The following TAFA5 variants were observed in gnomAD, a reference collection of about 807,000 sequenced individuals.
The protein encoded by TAFA5 is chemokine-like protein TAFA-5.
Under a neutral mutation model 15.3 loss-of-function variants are expected in TAFA5, and 6 were observed. The observed-to-expected ratio is 0.39, with a 90% CI of 0.21 to 0.77. TAFA5 has a LOEUF of 0.77. Ranked by LOEUF, TAFA5 falls within the 30% of genes least tolerant of loss-of-function variation. The probability of loss-of-function intolerance (pLI) is 0.41; values close to 1 mark genes in which losing one functional copy is unlikely to be tolerated. For synonymous variants in TAFA5, 103 were observed against 80.7 expected (o/e 1.28, Z -1.48); for missense variants, 161 against 193.1 (o/e 0.83, Z 0.98).
intron 2 of TAFA5, among the ~76,000 whole-genome samples, chr22:48,656,697 CTTT>C (rs71316950): frequency 2.4e-5 from 2 of 83,442 alleles, no homozygotes; most frequent in Admixed American, 1.5e-4. Context: ...ACCAAAAGTT[CTTT>C]TTTTTTTTTT....
At chr22:48,638,533 T>C (rs889641384) in intron 1 of TAFA5, among the ~76,000 whole-genome samples, 11 of 124,056 alleles carry the variant, frequency 8.9e-5, no homozygotes, top group African/African-American at 3.5e-4. Flanking sequence ...ACCCCAACAC[T>C]AAGCCCTGGG....
At chr22:48,608,945 C>T (rs768463285) in intron 1 of TAFA5, among the ~76,000 whole-genome samples, 9 of 152,234 alleles carry the variant, frequency 5.9e-5, no homozygotes, top group Admixed American at 4.6e-4. Context: ...TCTGATGGAC[C>T]GTCAACTGGA....
intron 1 of TAFA5, among the ~76,000 whole-genome samples, chr22:48,603,783 A>G (rs73427926): frequency 0.19 from 29,432 of 152,114 alleles, 3,063 homozygotes; most frequent in Middle Eastern, 0.23. Context: ...TCCCGCCTGC[A>G]GTCCTCTCTC....
intron 1 of TAFA5, among the ~76,000 whole-genome samples, chr22:48,534,021 T>C (rs1044419283): frequency 2.5e-4 from 38 of 152,074 alleles, no homozygotes; most frequent in Non-Finnish European, 5.9e-5. Flanking sequence ...GCTGATGACA[T>C]GGAGAAGGAA....
intron 3 of TAFA5, among the ~76,000 whole-genome samples, chr22:48,737,719 G>A (rs1018442777): frequency 7.2e-5 from 11 of 152,198 alleles, no homozygotes; most frequent in Non-Finnish European, 1.2e-4. Flanking sequence ...CAGGGATGGA[G>A]ATGCCAGCCC....
At chr22:48,614,912 C>G (rs1051907528) in intron 1 of TAFA5, among the ~76,000 whole-genome samples, 2 of 152,128 alleles carry the variant, frequency 1.3e-5, no homozygotes, top group Admixed American at 6.5e-5. Context: ...GTCAGCAGAG[C>G]GGGCCTGGCC....
At position 48,749,977 on chromosome 22, in the gene TAFA5, T is replaced by C; in HGVS notation, c.*130T>C. 1.1e-6 allele frequency: 1 copy of C among 929,458 alleles called. No homozygotes were observed. Among genetic ancestry groups the C allele is most frequent in the Non-Finnish European group, 1.7e-6 (1 of 601,128 alleles). The allele number at this position is 929,458 out of a possible 1,614,324, so 57.6% of individuals were successfully genotyped here. ...GCCCGCCCACTCCGTTTCCCTGTGGTCCGTGAAGGACGGCCTCAGGCCTTG... is the reference window on the plus strand; with the variant it reads ...GCCCGCCCACTCCGTTTCCCTGTGGCCCGTGAAGGACGGCCTCAGGCCTTG... On this transcript the variant is annotated 3_prime_UTR_variant, in exon 4 of 4. Transcript: ENST00000402357.
At chr22:48,504,380 A>G (rs927741541) in intron 1 of TAFA5, among the ~76,000 whole-genome samples, 1 of 152,204 alleles carries the variant, frequency 6.6e-6, no homozygotes, top group African/African-American at 2.4e-5. Context: ...CCTGCAGCAG[A>G]AAGACTTCCG....
intron 1 of TAFA5, among the ~76,000 whole-genome samples, chr22:48,615,794 T>G (rs1925581015): frequency 6.6e-6 from 1 of 152,112 alleles, no homozygotes; most frequent in Non-Finnish European, 1.5e-5. Flanking sequence ...CGGGGGACCA[T>G]GGAGGTACAG....
intron 1 of TAFA5, among the ~76,000 whole-genome samples, chr22:48,578,982 T>C (rs1412349699): frequency 6.6e-6 from 1 of 152,228 alleles, no homozygotes; most frequent in Non-Finnish European, 1.5e-5. Flanking sequence ...TGTGACTTGT[T>C]GTCTGGGCCT....
At chr22:48,571,574 GTT>G (rs57578802) in intron 1 of TAFA5, among the ~76,000 whole-genome samples, 171 of 29,200 alleles carry the variant, frequency 5.9e-3, no homozygotes, top group African/African-American at 0.018. Flanking sequence ...TGCCTGGCCT[GTT>G]TTTTTTTTTT....
At chr22:48,516,407 G>T (rs1393780865) in intron 1 of TAFA5, among the ~76,000 whole-genome samples, 1 of 151,746 alleles carries the variant, frequency 6.6e-6, no homozygotes, top group Non-Finnish European at 1.5e-5. Context: ...CGTGGTTTTG[G>T]TGTAATTTAA....
intron 2 of TAFA5, among the ~76,000 whole-genome samples, chr22:48,672,858 C>G (rs1281241298): frequency 1.3e-5 from 2 of 152,184 alleles, no homozygotes; most frequent in African/African-American, 4.8e-5. Context: ...CAATTATTCT[C>G]CATTGGAAAT....
chr22:48,555,790 C>T (rs1167822719), intron 1 of TAFA5, among the ~76,000 whole-genome samples: 5 of 152,076 alleles, frequency 3.3e-5, no homozygotes, highest in South Asian at 2.1e-4. Flanking sequence ...GGGCAAGATA[C>T]GGGGGTGGGG....
intron 1 of TAFA5, among the ~76,000 whole-genome samples, chr22:48,571,494 C>T (rs574617179): frequency 6.9e-6 from 1 of 144,500 alleles, no homozygotes; most frequent in Non-Finnish European, 1.5e-5. Context: ...AGGATGGTCT[C>T]AATCTCCTGA....
At chr22:48,713,600 T>G (rs575328773) in intron 3 of TAFA5, among the ~76,000 whole-genome samples, 96 of 152,348 alleles carry the variant, frequency 6.3e-4, no homozygotes, top group African/African-American at 2.2e-3. Flanking sequence ...GGTTCTGTGG[T>G]CATCTCGTGG....
chr22:48,535,924 T>C (rs567187878), intron 1 of TAFA5, among the ~76,000 whole-genome samples: 22 of 152,274 alleles, frequency 1.4e-4, no homozygotes, highest in Non-Finnish European at 2.8e-4. Flanking sequence ...TATACGTAGG[T>C]GTGAGCACAC....
At chr22:48,691,271 G>A (rs555326945) in intron 2 of TAFA5, among the ~76,000 whole-genome samples, 3 of 152,312 alleles carry the variant, frequency 2.0e-5, no homozygotes, top group East Asian at 1.9e-4. Flanking sequence ...GCCTCCTCTC[G>A]TGGCTGTAAG....
chr22:48,543,754 G>A (rs1922552168), intron 1 of TAFA5: 1 of 152,356 alleles, frequency 6.6e-6, no homozygotes, highest in African/African-American at 2.4e-5. Context: ...GAGTATCTCT[G>A]GGACCTGTGG....
Sources: allele counts gnomAD v4.1 joint callset (sites outside exome capture counted in the v4.1 genomes callset), GRCh38; gene constraint gnomAD v4.1.1; transcripts MANE v1.5; gene names NCBI Gene and HGNC (gene_info 2026-07-23, HGNC 2026-07-21).